The following PKHD1 variants were observed in gnomAD, a reference collection of about 807,000 sequenced individuals.
The protein encoded by PKHD1 is PKHD1 ciliary IPT domain containing fibrocystin/polyductin.
Under a neutral mutation model 412.0 loss-of-function variants are expected in PKHD1, and 291 were observed. The ratio of observed to expected loss-of-function variants is 0.71; its 90% CI spans 0.64 to 0.78. The LOEUF is 0.78. Among genes scored for constraint, PKHD1 ranks in the 30% least tolerant of loss-of-function variants. The pLI is 0.00. For synonymous variants in PKHD1, 1,777 were observed against 1,821.5 expected, an observed-to-expected ratio of 0.98 and a Z score of 0.62; for missense variants, 4,825 against 4,950.7, an observed-to-expected ratio of 0.97 and a Z score of 0.76.
At chr6:51,687,675 C>T (rs1003116034) in intron 60 of PKHD1, among the ~76,000 whole-genome samples, 1 of 152,102 alleles carries the variant, frequency 6.6e-6, no homozygotes, top group Non-Finnish European at 1.5e-5. Flanking sequence ...TAGTACTTGC[C>T]CAAAGACAAA....
intron 35 of PKHD1, among the ~76,000 whole-genome samples, chr6:51,992,819 GA>G (rs1797199921): frequency 6.6e-6 from 1 of 152,250 alleles, no homozygotes; most frequent in South Asian, 2.1e-4. Flanking sequence ...CACAAAAAGA[GA>G]AGCAAGCTTG....
chr6:51,674,873 T>C (rs1364726424), intron 60 of PKHD1, among the ~76,000 whole-genome samples: 2 of 152,218 alleles, frequency 1.3e-5, no homozygotes, highest in Non-Finnish European at 2.9e-5. Flanking sequence ...TATAAAGATA[T>C]AGCCACATAT....
intron 35 of PKHD1, among the ~76,000 whole-genome samples, chr6:52,005,542 A>G (rs1481503087): frequency 6.6e-6 from 1 of 152,168 alleles, no homozygotes; most frequent in African/African-American, 2.4e-5. Context: ...CCTGTCCTTC[A>G]TAGCATAGCA....
At chr6:51,784,409 G>A (rs986215463) in intron 53 of PKHD1, among the ~76,000 whole-genome samples, 3 of 152,126 alleles carry the variant, frequency 2.0e-5, no homozygotes, top group Non-Finnish European at 4.4e-5. Context: ...CTGGATTTCA[G>A]TTTCCTTACC....
Position 52,076,297 on chromosome 6 carries a change from A to C in PKHD1, c.427T>G (p.Tyr143Asp), listed in dbSNP as rs1811318876. 1.2e-6 allele frequency: 2 copies of C among 1,611,388 alleles called. No homozygotes were observed. The highest frequency in any genetic ancestry group is 1.3e-5 in the African/African-American group (1 of 74,874). ...TTACCTGGAACACCACTTGGTGGAT[A>C]AACTTGGTGAACGATGGGTGTCTGC... ...KAQTPIVHQV[Y>D]PPSGVPGKLI... The change falls in exon 6 of 67, where the codon TAT becomes GAT. Residue 143 changes from tyrosine (Y) to aspartate (D), a missense_variant. Coordinates refer to ENST00000371117, the MANE Select transcript of PKHD1 (RefSeq NM_138694.4).
Position 51,638,771 on chromosome 6 carries a change from C to T in PKHD1, c.11506+78G>A, listed in dbSNP as rs111643442. On this transcript the variant is annotated intron_variant, in intron 64 of 66. Coordinates refer to ENST00000371117, the MANE Select transcript of PKHD1 (RefSeq NM_138694.4). ...TCTTATTCATGATAGTAGCTATTCC[C>T]ACTATAAGGGAGAAAGGATTATCTT... 1,210 of 847,992 alleles carry T rather than the reference C, an allele frequency of 1.4e-3. 8 individuals are homozygous for T. In the African/African-American group the frequency reaches 0.019, roughly 13 times the overall value. 52.5% of individuals were successfully genotyped at this position (847,992 alleles called of 1,614,324 possible).
At chr6:51,682,213 T>C (rs929880223) in intron 60 of PKHD1, 2 of 455,852 alleles carry the variant, frequency 4.4e-6, no homozygotes, top group African/African-American at 4.0e-5. Context: ...ATAAAGAACA[T>C]AAGGGAACTC....
intron 52 of PKHD1, among the ~76,000 whole-genome samples, chr6:51,814,627 G>A (rs2151418450): frequency 6.6e-6 from 1 of 152,238 alleles, no homozygotes; most frequent in African/African-American, 2.4e-5. Context: ...TCCCCAGAGA[G>A]CTCTAAACTC....
At chr6:51,911,990 C>T (rs758157668) in intron 38 of PKHD1, 34 bp from the exon 39 acceptor site, 12 of 1,536,274 alleles carry the variant, frequency 7.8e-6, no homozygotes, top group Middle Eastern at 3.4e-4. Context: ...GAACTGAGGA[C>T]ATCACTCCAA....
chr6:52,033,349 C>A (rs1310064517), intron 28 of PKHD1, among the ~76,000 whole-genome samples, 184 bp from the exon 29 acceptor site: 3 of 152,160 alleles, frequency 2.0e-5, no homozygotes, highest in Non-Finnish European at 4.4e-5. Flanking sequence ...CCCCATCCTG[C>A]CCCCACACCC....
At chr6:51,836,243 A>G (rs1769186724) in intron 51 of PKHD1, among the ~76,000 whole-genome samples, 161 bp downstream of exon 51, 1 of 152,202 alleles carries the variant, frequency 6.6e-6, no homozygotes, top group African/African-American at 2.4e-5. Flanking sequence ...ATGCAGATAC[A>G]TATTTTAGTT....
chr6:51,678,628 G>A (rs563054574), intron 60 of PKHD1, among the ~76,000 whole-genome samples: 8 of 152,184 alleles, frequency 5.3e-5, no homozygotes, highest in Non-Finnish European at 8.8e-5. Context: ...ATACATCTGT[G>A]TGTGCCTGTG....
At chr6:51,870,674 T>C (rs763906524) in intron 46 of PKHD1, 35 bp from the exon 47 acceptor site, 2 of 1,549,974 alleles carry the variant, frequency 1.3e-6, no homozygotes, top group Admixed American at 3.4e-5. Flanking sequence ...GAAAGCAAAA[T>C]AAGAAAACTG....
Position 51,665,475 on chromosome 6 carries a change from A to T in PKHD1, c.10157-5506T>A, listed in dbSNP as rs183409925. Among the ~76,000 whole-genome samples the T allele has an allele frequency of 1.7e-3, 253 of 152,260 alleles. 3 individuals carry two copies. The highest frequency in any genetic ancestry group is 0.01 in the Middle Eastern group (3 of 294). ...AAAACCCCACAAATTAAATAATCCC[A>T]CCAAACAATTAGTCATCTCTGATAA... On this transcript the variant is annotated intron_variant, in intron 60 of 66. Coordinates refer to ENST00000371117, the MANE Select transcript of PKHD1 (RefSeq NM_138694.4).
At chr6:51,855,329 G>A (rs1413045618) in intron 49 of PKHD1, among the ~76,000 whole-genome samples, 1 of 152,176 alleles carries the variant, frequency 6.6e-6, no homozygotes, top group East Asian at 1.9e-4. Context: ...TTTTTTCGAT[G>A]GTAGCCTCCG....
chr6:52,079,974 A>G lies in PKHD1; in HGVS notation c.316T>C (p.Phe106Leu). The G allele has an allele frequency of 6.2e-7, 1 of 1,611,160 alleles. No individual in the cohort carries two copies. The highest frequency in any genetic ancestry group is 8.5e-7 in the Non-Finnish European group (1 of 1,177,322). ...VLSEAHEGLY[F>L]LEAYFGGQLV... ...TGTCCCCCGAAGTATGCTTCCAGGA[A>G]GTACAGACCCTCATGTGCTTCAGAC... Residue 106 changes from phenylalanine to leucine, a missense_variant, in exon 5 of 67, where the codon TTC (phenylalanine) becomes CTC (leucine). By Grantham distance (22) the Phe-to-Leu change is conservative. Transcript: ENST00000371117.
intron 55 of PKHD1, among the ~76,000 whole-genome samples, chr6:51,763,254 C>T (rs1477058841): frequency 1.3e-5 from 2 of 152,020 alleles, no homozygotes; most frequent in African/African-American, 4.8e-5. Flanking sequence ...TAACTTATAG[C>T]ATTGAAAGAT....
At chr6:51,795,667 T>C (rs1476639306) in intron 52 of PKHD1, among the ~76,000 whole-genome samples, 1 of 152,250 alleles carries the variant, frequency 6.6e-6, no homozygotes, top group Non-Finnish European at 1.5e-5. Flanking sequence ...TATGAGTTTG[T>C]CATATATAGC....
intron 27 of PKHD1, among the ~76,000 whole-genome samples, chr6:52,042,043 T>C (rs1430452470): frequency 6.6e-6 from 1 of 152,194 alleles, no homozygotes. Flanking sequence ...AAACCAATAA[T>C]TACTGGGTTA....
Sources: allele counts gnomAD v4.1 joint callset (sites outside exome capture counted in the v4.1 genomes callset), GRCh38; gene constraint gnomAD v4.1.1; transcripts MANE v1.5; gene names NCBI Gene and HGNC (gene_info 2026-07-23, HGNC 2026-07-21).